COG4: variants seen among roughly 807,000 people sequenced by gnomAD.
The protein encoded by COG4 is conserved oligomeric Golgi complex subunit 4.
Under a neutral mutation model 95.1 loss-of-function variants are expected in COG4, and 65 were observed. The ratio of observed to expected loss-of-function variants is 0.68; its 90% CI spans 0.56 to 0.84. The LOEUF is 0.84. Ranked by LOEUF, COG4 falls within the 40% of genes least tolerant of loss-of-function variation. The pLI is 0.00. For missense variants in COG4, 1,045 were observed against 989.1 expected, an observed-to-expected ratio of 1.06 and a Z score of -0.76; for synonymous variants, 421 against 374.8, an observed-to-expected ratio of 1.12 and a Z score of -1.42.
At chr16:70,488,313 T>C (rs1199633734) in intron 13 of COG4, among the ~76,000 whole-genome samples, 1 of 151,704 alleles carries the variant, frequency 6.6e-6, no homozygotes, top group African/African-American at 2.4e-5. Flanking sequence ...TTTGTATTTT[T>C]AGTAGAGACA....
intron 3 of COG4, among the ~76,000 whole-genome samples, chr16:70,516,374 G>C (rs987945603): frequency 2.6e-5 from 4 of 151,190 alleles, no homozygotes; most frequent in Admixed American, 2.0e-4. Flanking sequence ...TCGGCTCACT[G>C]TAAGCTCTGC....
intron 13 of COG4, among the ~76,000 whole-genome samples, chr16:70,487,692 T>G (rs1398915477): frequency 6.6e-6 from 1 of 152,242 alleles, no homozygotes; most frequent in African/African-American, 2.4e-5. Flanking sequence ...TGGCCTCACT[T>G]CTTTCCCAGA....
Position 70,481,103 on chromosome 16 carries a change from T to G in COG4, c.2277A>C (p.Pro759=). 6.2e-7 allele frequency: 1 copy of G among 1,613,448 alleles called. No individual in the cohort carries two copies. The highest frequency in any genetic ancestry group is 8.5e-7 in the Non-Finnish European group (1 of 1,180,000). Residue 759 remains proline, a synonymous_variant, in exon 19 of 19, where the codon CCA becomes CCC. Transcript: ENST00000323786. The part of the protein sequence containing the change: ...ILDYWGPNSG[P]LTWRLTPAEV... Reference sequence around the variant, plus strand: ...CAGCAGGGGTGAGGCGCCACGTCAATGGGCCGGAATTGGGTCCCCAGTAAT... The same window carrying G: ...CAGCAGGGGTGAGGCGCCACGTCAAGGGGCCGGAATTGGGTCCCCAGTAAT...
chr16:70,496,377 G>A lies in COG4; in HGVS notation c.1536C>T (p.Asp512=), dbSNP rs1330420100. ...RMGFPATTFQ[D]IQRGVTSAVN... ...CGGCACTTGTCACCCCGCGCTGGATGTCCTGGAAGGTGGTGGCAGGAAAGC... is the reference window on the plus strand; with the variant it reads ...CGGCACTTGTCACCCCGCGCTGGATATCCTGGAAGGTGGTGGCAGGAAAGC... The change falls in exon 12 of 19, where the codon GAC becomes GAT. Residue 512 remains aspartate (D), a synonymous_variant. Coordinates refer to ENST00000323786, the MANE Select transcript of COG4 (RefSeq NM_015386.3). The A allele has an allele frequency of 1.9e-6, 3 of 1,614,052 alleles. No individual in the cohort carries two copies. Among genetic ancestry groups the A allele is most frequent in the Admixed American group, 3.3e-5 (2 of 59,994 alleles).
intron 8 of COG4, among the ~76,000 whole-genome samples, chr16:70,507,265 A>G (rs1854349197): frequency 6.6e-6 from 1 of 150,816 alleles, no homozygotes; most frequent in Admixed American, 6.6e-5. Context: ...AAACCCCAAA[A>G]CAACAACAAA....
At chr16:70,501,980 G>A (rs2049461194) in intron 8 of COG4, among the ~76,000 whole-genome samples, 1 of 151,900 alleles carries the variant, frequency 6.6e-6, no homozygotes, top group Non-Finnish European at 1.5e-5. Flanking sequence ...CCTCTTTTGT[G>A]GTTTGAATAA....
At chr16:70,518,944 T>C (rs1364427260) in intron 2 of COG4, among the ~76,000 whole-genome samples, 1 of 148,526 alleles carries the variant, frequency 6.7e-6, no homozygotes, top group Non-Finnish European at 1.5e-5. Context: ...GCCACTGCAC[T>C]CCAGCCTGGG....
In COG4 at chr16:70,509,397, G is replaced by T; in HGVS notation, c.845-9C>A. ...CACAATGCGGGCAATCCCTAGAAGG[G>T]AGGAAGCAATAGGGTTATATTCCAA... On this transcript the variant is annotated splice_polypyrimidine_tract_variant and intron_variant, in intron 6 of 18. Transcript: ENST00000323786. The T allele has an allele frequency of 1.2e-6, 2 of 1,614,162 alleles. No individual in the cohort carries two copies. Among genetic ancestry groups the T allele is most frequent in the Non-Finnish European group, 1.7e-6 (2 of 1,180,000 alleles).
intron 12 of COG4, among the ~76,000 whole-genome samples, chr16:70,491,466 A>G (rs1348378868): frequency 7.6e-6 from 1 of 131,194 alleles, no homozygotes; most frequent in African/African-American, 3.0e-5. Context: ...GGTTGCAGTG[A>G]GCTGAAATTG....
Position 70,480,726 on chromosome 16 carries a change from A to T in COG4, c.*284T>A, listed in dbSNP as rs1239437480. 9 of 478,850 alleles carry T rather than the reference A, an allele frequency of 1.9e-5. No individual in the cohort carries two copies. The highest frequency in any genetic ancestry group is 3.4e-5 in the Non-Finnish European group (9 of 261,830). 29.7% of individuals were successfully genotyped at this position (478,850 alleles called of 1,614,324 possible). ...TTTGAGGGCAAGAGACTGACCATCCATGCAGAAAGCTGGCCTGGGCTGCTC... is the reference window on the plus strand; with the variant it reads ...TTTGAGGGCAAGAGACTGACCATCCTTGCAGAAAGCTGGCCTGGGCTGCTC... On this transcript the variant is annotated 3_prime_UTR_variant, in exon 19 of 19. Coordinates refer to ENST00000323786, the MANE Select transcript of COG4 (RefSeq NM_015386.3).
In COG4 at chr16:70,497,250, G is replaced by A. The variant is rs1164940130; in HGVS notation, c.1452C>T (p.Leu484=). ...AGTCAGACTCCAGCTCTGTGGTGGC[G>A]AGGTTGATCATGGCACAGAGACAGT... is the stretch of plus-strand genomic sequence containing the variant. ...SIDCLCAMIN[L]ATTELESDFR... is the part of the protein sequence containing the mutation. Residue 484 remains leucine (L), a synonymous_variant, in exon 11 of 19, where the codon CTC becomes CTT. Transcript: ENST00000323786. The A allele has an allele frequency of 4.3e-6, 7 of 1,614,052 alleles. No homozygotes were observed. The East Asian group carries it at 6.7e-5, about 15-fold the overall frequency.
At chr16:70,502,207 G>A (rs1194477755) in intron 8 of COG4, among the ~76,000 whole-genome samples, 2 of 148,262 alleles carry the variant, frequency 1.3e-5, no homozygotes, top group African/African-American at 2.5e-5. Flanking sequence ...GCTTGAACCC[G>A]GGAGGCGGAG....
At chr16:70,491,734 G>T (rs2049247972) in intron 12 of COG4, among the ~76,000 whole-genome samples, 3 of 145,150 alleles carry the variant, frequency 2.1e-5, no homozygotes, top group Admixed American at 1.4e-4. Flanking sequence ...TGAGGCAGGA[G>T]AATTGCTTGA....
Position 70,511,108 on chromosome 16 carries a change from C to T in COG4, c.739-1087G>A, listed in dbSNP as rs564884192. Among the ~76,000 whole-genome samples the T allele has an allele frequency of 9.2e-5, 14 of 152,276 alleles. No homozygotes were observed. The East Asian group carries it at 2.7e-3, about 29-fold the overall frequency. Reference sequence around the variant, plus strand: ...AACTTTTTAGAATGAGTAAAATGCACACTTAAACATTCCAAAGGAACAAAG... The same window carrying T: ...AACTTTTTAGAATGAGTAAAATGCATACTTAAACATTCCAAAGGAACAAAG... On this transcript the variant is annotated intron_variant, in intron 5 of 18. Transcript: ENST00000323786.
chr16:70,481,998 G>A, intron 16 of COG4, 94 bp downstream of exon 16: 1 of 1,362,720 alleles, frequency 7.3e-7, no homozygotes, highest in South Asian at 1.2e-5. Context: ...AGGGCTTTCA[G>A]GGTCCCCAGA....
intron 1 of COG4, 81 bp downstream of exon 1, chr16:70,523,292 T>G: frequency 6.4e-7 from 1 of 1,554,580 alleles, no homozygotes; most frequent in Non-Finnish European, 8.9e-7. Flanking sequence ...CAAGGAGAGT[T>G]TCCCACAGCC....
At chr16:70,496,455 G>C in intron 11 of COG4, 24 bp from the exon 12 acceptor site, 1 of 1,613,602 alleles carries the variant, frequency 6.2e-7, no homozygotes, top group Non-Finnish European at 8.5e-7. Context: ...TTGCATAGAG[G>C]AATTGACAGT....
intron 8 of COG4, among the ~76,000 whole-genome samples, chr16:70,507,167 G>A (rs981981220): frequency 3.3e-5 from 5 of 152,106 alleles, no homozygotes; most frequent in Admixed American, 2.6e-4. Flanking sequence ...GAGCCCAGAA[G>A]GTCAAGGCTG....
chr16:70,481,230 C>T, intron 18 of COG4, 86 bp from the exon 19 acceptor site: 5 of 1,608,548 alleles, frequency 3.1e-6, no homozygotes, highest in South Asian at 1.1e-5. Flanking sequence ...AGAGCAGGGG[C>T]ACCCGGGAAG....
Sources: gnomAD v4.1 joint callset for allele counts (sites outside exome capture counted in the v4.1 genomes callset) on GRCh38, gnomAD v4.1.1 for gene constraint, MANE v1.5 for transcripts, NCBI Gene and HGNC (gene_info 2026-07-23, HGNC 2026-07-21) for gene names.